Variants in MAP2K1 observed in about 807,000 individuals in gnomAD.
MAP2K1 encodes dual specificity mitogen-activated protein kinase kinase 1.
A neutral mutation model predicts 46.3 loss-of-function variants in MAP2K1; 16 were observed. That is an observed-to-expected ratio of 0.35 (90% CI 0.23 to 0.52). MAP2K1 has a LOEUF of 0.52. MAP2K1 is among the 20% of genes least tolerant of loss of function. MAP2K1 has a pLI of 0.94. For missense variants in MAP2K1, 263 were observed against 497.1 expected, an observed-to-expected ratio of 0.53 and a Z score of 4.48; for synonymous variants, 183 against 185.6, an observed-to-expected ratio of 0.99 and a Z score of 0.11.
intron 6 of MAP2K1, among the ~76,000 whole-genome samples, chr15:66,484,144 C>A (rs1404772719): frequency 6.6e-6 from 1 of 151,380 alleles, no homozygotes; most frequent in Non-Finnish European, 1.5e-5. Flanking sequence ...CCACCACCCC[C>A]CCCCACCTTT....
At chr15:66,444,534 A>T (rs1251907312) in intron 4 of MAP2K1, 122 bp from the exon 5 acceptor site, 8 of 787,634 alleles carry the variant, frequency 1.0e-5, no homozygotes, top group Non-Finnish European at 1.8e-5. Flanking sequence ...ACTGCGTCTC[A>T]AAGGAGGAAG....
intron 1 of MAP2K1, among the ~76,000 whole-genome samples, chr15:66,405,460 C>T (rs571443276): frequency 7.2e-5 from 11 of 152,300 alleles, no homozygotes; most frequent in African/African-American, 2.6e-4. Flanking sequence ...TCTATTAGTG[C>T]TGGTCTAGAG....
At chr15:66,468,246 A>T (rs377268314) in intron 5 of MAP2K1, among the ~76,000 whole-genome samples, 55 of 152,332 alleles carry the variant, frequency 3.6e-4, no homozygotes, top group African/African-American at 1.3e-3. Flanking sequence ...ATAGAAGTAC[A>T]TCTTAAAGGT....
At chr15:66,489,615 A>G in intron 9 of MAP2K1, 103 bp from the exon 10 acceptor site, 3 of 881,728 alleles carry the variant, frequency 3.4e-6, no homozygotes, top group Non-Finnish European at 5.9e-6. Flanking sequence ...AGCCCAGGCA[A>G]TCCTCGGCCT....
At chr15:66,388,736 G>C (rs1209524507) in intron 1 of MAP2K1, among the ~76,000 whole-genome samples, 1 of 151,680 alleles carries the variant, frequency 6.6e-6, no homozygotes. Context: ...TCCCTGTAAT[G>C]ATCACAAGGT....
chr15:66,472,940 G>A (rs1892675586), intron 5 of MAP2K1, among the ~76,000 whole-genome samples: 1 of 152,110 alleles, frequency 6.6e-6, no homozygotes, highest in South Asian at 2.1e-4. Flanking sequence ...TTTTGTCATT[G>A]TTTAACACCC....
chr15:66,404,355 C>G (rs565864535), intron 1 of MAP2K1, among the ~76,000 whole-genome samples: 26 of 152,066 alleles, frequency 1.7e-4, no homozygotes, highest in African/African-American at 6.0e-4. Flanking sequence ...GACTCTGTCT[C>G]AGAAAAAAAC....
intron 1 of MAP2K1, among the ~76,000 whole-genome samples, chr15:66,399,784 A>T (rs2140524494): frequency 6.6e-6 from 1 of 152,098 alleles, no homozygotes; most frequent in East Asian, 1.9e-4. Context: ...TTTAGTAGAG[A>T]TGGGGTTTCA....
chr15:66,487,531 C>T (rs994983247), intron 8 of MAP2K1, among the ~76,000 whole-genome samples: 2 of 151,850 alleles, frequency 1.3e-5, no homozygotes, highest in African/African-American at 4.8e-5. Context: ...CCCAGCTACT[C>T]GGGAGGCTGA....
chr15:66,387,412 G>T lies in MAP2K1; in HGVS notation c.65G>T (p.Gly22Val). ...GCCCCCGACGGCTCTGCAGTTAACGGGACCAGCTCTGCGGAGTAAGTATGG... is the reference window on the plus strand; with the variant it reads ...GCCCCCGACGGCTCTGCAGTTAACGTGACCAGCTCTGCGGAGTAAGTATGG... ...NPAPDGSAVNGTSSAETNLEA... is the reference protein window; with the variant it reads ...NPAPDGSAVNVTSSAETNLEA... The change falls in exon 1 of 11, where the codon GGG (glycine) becomes GTG (valine). Residue 22 changes from glycine (G) to valine (V), a missense_variant. Physicochemically the swap from Gly to Val is moderately radical, Grantham distance 109 (BLOSUM62 -3). Around this residue, in one of 4 missense-constraint regions of MAP2K1, gnomAD observed 31 missense variants for 29.9 expected, o/e 1.04. Coordinates refer to ENST00000307102, the MANE Select transcript of MAP2K1 (RefSeq NM_002755.4). 1.3e-6 allele frequency: 2 copies of T among 1,560,806 alleles called. No homozygotes were observed. Among genetic ancestry groups the T allele is most frequent in the Non-Finnish European group, 1.7e-6 (2 of 1,151,746 alleles).
At chr15:66,465,415 A>T (rs1313824496) in intron 5 of MAP2K1, among the ~76,000 whole-genome samples, 2 of 152,188 alleles carry the variant, frequency 1.3e-5, no homozygotes, top group East Asian at 3.8e-4. Context: ...ACTGGTAATC[A>T]GGTTGGAACA....
At chr15:66,445,625 C>T (rs924454436) in intron 5 of MAP2K1, among the ~76,000 whole-genome samples, 2 of 152,132 alleles carry the variant, frequency 1.3e-5, no homozygotes, top group Admixed American at 6.5e-5. Flanking sequence ...ATCTATACAA[C>T]AGAATACTCT....
chr15:66,489,447 T>G, intron 9 of MAP2K1, 171 bp downstream of exon 9: 1 of 713,082 alleles, frequency 1.4e-6, no homozygotes, highest in Non-Finnish European at 2.5e-6. Flanking sequence ...CCAAGACTTA[T>G]GTGGCATGTC....
intron 6 of MAP2K1, 41 bp downstream of exon 6, chr15:66,481,920 T>G: frequency 6.2e-7 from 1 of 1,605,798 alleles, no homozygotes; most frequent in Non-Finnish European, 8.5e-7. Context: ...TCTTGTACGG[T>G]CAGGGAGAGG....
chr15:66,455,431 C>T (rs969090363), intron 5 of MAP2K1, among the ~76,000 whole-genome samples: 1 of 152,178 alleles, frequency 6.6e-6, no homozygotes, highest in Admixed American at 6.6e-5. Flanking sequence ...TCATACATTT[C>T]TTCTTAGGAA....
intron 7 of MAP2K1, among the ~76,000 whole-genome samples, chr15:66,485,480 A>G (rs570244115): frequency 4.6e-5 from 7 of 152,282 alleles, no homozygotes; most frequent in South Asian, 2.1e-4. Context: ...GGGTCTTGCT[A>G]TGTCGCCCAG....
chr15:66,421,093 TAC>T lies in MAP2K1; in HGVS notation c.81-13902_81-13901del, dbSNP rs71454561. ...ACACATATATACACATACACACACA[TAC>T]ACACACACACACACACACACACACA... is the stretch of plus-strand genomic sequence containing the variant. On this transcript the variant is annotated intron_variant, in intron 1 of 10. Coordinates refer to ENST00000307102, the MANE Select transcript of MAP2K1 (RefSeq NM_002755.4). 3.7e-3 allele frequency among the ~76,000 whole-genome samples: 474 copies of T among 128,842 alleles called. 3 individuals carry two copies. The highest frequency in any genetic ancestry group is 7.6e-3 in the South Asian group (28 of 3,684). The allele number at this position is 128,842 out of a possible 152,430, so 84.5% of individuals were successfully genotyped here.
chr15:66,399,062 C>T (rs185985319), intron 1 of MAP2K1, among the ~76,000 whole-genome samples: 58 of 152,240 alleles, frequency 3.8e-4, no homozygotes, highest in African/African-American at 1.3e-3. Context: ...CGTGAGCCAC[C>T]GTGCCTGGCT....
rs531797257 is a variant in MAP2K1, at chr15:66,442,263, T to G, written c.439-1017T>G. Reference sequence around the variant, plus strand: ...CTCCATAAAGTCAAGTCCCGGTTCCTTGGTGGGGTTCTGGTCACAGCCGGC... The same window carrying G: ...CTCCATAAAGTCAAGTCCCGGTTCCGTGGTGGGGTTCTGGTCACAGCCGGC... On this transcript the variant is annotated intron_variant, in intron 3 of 10. Coordinates refer to ENST00000307102, the MANE Select transcript of MAP2K1 (RefSeq NM_002755.4). 3.3e-5 allele frequency among the ~76,000 whole-genome samples: 5 copies of G among 152,322 alleles called. No individual in the cohort carries two copies. In the East Asian group the frequency reaches 9.6e-4, roughly 29 times the overall value.
Sources: gnomAD v4.1 joint callset for allele counts (sites outside exome capture counted in the v4.1 genomes callset) on GRCh38, gnomAD v4.1.1 for gene constraint, gnomAD v4.1.1 regional missense constraint, MANE v1.5 for transcripts, NCBI Gene and HGNC (gene_info 2026-07-23, HGNC 2026-07-21) for gene names.